The following SPIRE1 variants were observed in gnomAD, a reference collection of about 807,000 sequenced individuals.
SPIRE1 encodes protein spire homolog 1.
SPIRE1 carries 40 observed loss-of-function variants against 94.1 expected under a neutral mutation model. That is an observed-to-expected ratio of 0.43 (90% CI 0.33 to 0.55). The LOEUF (loss-of-function observed/expected upper bound fraction) is 0.55. Among genes scored for constraint, SPIRE1 ranks in the 20% least tolerant of loss-of-function variants. The pLI is 0.06. For synonymous variants in SPIRE1, 376 were observed against 371.7 expected (o/e 1.01, Z -0.13); for missense variants, 838 against 975.2 (o/e 0.86, Z 1.87).
intron 1 of SPIRE1, chr18:12,653,252 G>A (rs2038432735): frequency 6.6e-6 from 1 of 152,292 alleles, no homozygotes; most frequent in Admixed American, 6.6e-5. Context: ...GACAGTGCCA[G>A]TTAAGAAACT....
At chr18:12,562,160 A>G (rs1372920209) in intron 2 of SPIRE1, among the ~76,000 whole-genome samples, 1 of 152,218 alleles carries the variant, frequency 6.6e-6, no homozygotes, top group Non-Finnish European at 1.5e-5. Context: ...CACAGACTCT[A>G]TATCCTACCC....
rs1043648280 is a variant in SPIRE1 at position 12,657,518 on chromosome 18, C to T, written c.337+12G>A. 13 of 1,230,136 alleles carry T rather than the reference C, an allele frequency of 1.1e-5. No homozygotes were observed. In the Admixed American group the frequency reaches 3.9e-4, roughly 36 times the overall value. The allele number at this position is 1,230,136 out of a possible 1,614,324, so 76.2% of individuals were successfully genotyped here. A position where few individuals can be genotyped will look rare whatever the true frequency, so the allele number is the denominator to read the frequency against. On this transcript the variant is annotated intron_variant, in intron 1 of 16. Coordinates refer to ENST00000409402, the MANE Select transcript of SPIRE1 (RefSeq NM_001128626.2). ...CCAAGAACTACGAGGGAAAGGGGCC[C>T]GGCGGCCTCACCCGCAACTGGGGGC...
chr18:12,557,192 C>T (rs966790538), intron 2 of SPIRE1, among the ~76,000 whole-genome samples: 3 of 152,214 alleles, frequency 2.0e-5, no homozygotes, highest in African/African-American at 7.2e-5. Flanking sequence ...CGCCGCGGAG[C>T]AGGGGGTGGC....
intron 8 of SPIRE1, 140 bp downstream of exon 8, chr18:12,492,932 G>C: frequency 1.1e-6 from 1 of 932,138 alleles, no homozygotes; most frequent in South Asian, 2.0e-5. Context: ...GTATACGAGA[G>C]AGTGAGAGGG....
At chr18:12,607,290 C>T (rs546088318) in intron 2 of SPIRE1, among the ~76,000 whole-genome samples, 5 of 152,084 alleles carry the variant, frequency 3.3e-5, no homozygotes, top group Non-Finnish European at 7.4e-5. Flanking sequence ...TTTTGAGTGG[C>T]CTTCAACAGA....
chr18:12,514,842 TAAAG>T (rs1182460621), intron 4 of SPIRE1, among the ~76,000 whole-genome samples: 1 of 151,874 alleles, frequency 6.6e-6, no homozygotes, highest in Non-Finnish European at 1.5e-5. Context: ...TAAAATAAAA[TAAAG>T]AAGAAAAAGA....
At chr18:12,540,218 T>C (rs2034974580) in intron 3 of SPIRE1, among the ~76,000 whole-genome samples, 1 of 152,208 alleles carries the variant, frequency 6.6e-6, no homozygotes, top group Admixed American at 6.5e-5. Flanking sequence ...TTTGTGGCTT[T>C]TCCTTCCACT....
At chr18:12,615,345 A>AAAAAAAAAAATATAT in intron 2 of SPIRE1, among the ~76,000 whole-genome samples, 3 of 17,240 alleles carry the variant, frequency 1.7e-4, no homozygotes, top group Non-Finnish European at 5.6e-4. Flanking sequence ...AAAAAAAAAA[A>AAAAAAAAAAATATAT]ATATATATAT....
chr18:12,576,766 G>A (rs1054671209), intron 2 of SPIRE1, among the ~76,000 whole-genome samples: 1 of 151,668 alleles, frequency 6.6e-6, no homozygotes, highest in Non-Finnish European at 1.5e-5. Flanking sequence ...GCATGTGCCT[G>A]TAGTTCCAGC....
upstream of SPIRE1, chr18:12,658,831 G>C (rs1598597384): frequency 3.1e-6 from 1 of 320,988 alleles, no homozygotes; most frequent in East Asian, 8.9e-5. Flanking sequence ...TCTCCCAAAA[G>C]CTAAACCAGC....
At chr18:12,607,817 C>A (rs1019756816) in intron 2 of SPIRE1, among the ~76,000 whole-genome samples, 1 of 152,050 alleles carries the variant, frequency 6.6e-6, no homozygotes, top group African/African-American at 2.4e-5. Context: ...GTGACGGCTA[C>A]CCCCATACCC....
intron 1 of SPIRE1, among the ~76,000 whole-genome samples, chr18:12,641,832 CTTT>C (rs576748359): frequency 4.0e-5 from 5 of 125,108 alleles, no homozygotes; most frequent in Admixed American, 1.7e-4. Context: ...GAATGTTATG[CTTT>C]TTTTTTTTTT....
chr18:12,460,239 C>T (rs2031726075), intron 12 of SPIRE1, among the ~76,000 whole-genome samples: 2 of 152,336 alleles, frequency 1.3e-5, no homozygotes, highest in South Asian at 2.1e-4. Context: ...CAACTCGTTA[C>T]TGTGCCTGAG....
rs2144384939 is a variant in SPIRE1, at chr18:12,559,799, T to C, written c.373-12895A>G. 6.6e-6 allele frequency among the ~76,000 whole-genome samples: 1 copy of C among 151,984 alleles called. No homozygotes were observed. Among genetic ancestry groups the C allele is most frequent in the East Asian group, 1.9e-4 (1 of 5,164 alleles). ...TTTGCCAGTGAAGAAAACAACAAAATGAAGAAACAACCCAAAGAACGGGAG... is the reference window on the plus strand; with the variant it reads ...TTTGCCAGTGAAGAAAACAACAAAACGAAGAAACAACCCAAAGAACGGGAG... On this transcript the variant is annotated intron_variant, in intron 2 of 16. Transcript: ENST00000409402. This position sits in a 1 kb window ranked among gnomAD's most constrained non-coding sequence, Gnocchi z 4.7.
At chr18:12,624,542 CAAAA>C (rs549240260) in intron 2 of SPIRE1, among the ~76,000 whole-genome samples, 1 of 75,666 alleles carries the variant, frequency 1.3e-5, no homozygotes. Flanking sequence ...GACACTGACT[CAAAA>C]AAAAAAAAAA....
intron 12 of SPIRE1, 134 bp downstream of exon 12, chr18:12,463,217 C>A (rs2031941594): frequency 2.2e-6 from 2 of 899,792 alleles, no homozygotes; most frequent in Non-Finnish European, 3.2e-6. Context: ...TTTTCTTTAG[C>A]TATTAAGTAA....
chr18:12,628,320 T>G (rs958094023), intron 2 of SPIRE1, among the ~76,000 whole-genome samples: 9 of 152,150 alleles, frequency 5.9e-5, no homozygotes, highest in African/African-American at 1.9e-4. Context: ...TTTCCCCATT[T>G]CTTGTTTTTG....
intron 6 of SPIRE1, among the ~76,000 whole-genome samples, chr18:12,506,069 T>C (rs1238929903): frequency 6.6e-6 from 1 of 152,170 alleles, no homozygotes; most frequent in Non-Finnish European, 1.5e-5. Context: ...ATTACTTGTA[T>C]AAAAATAAAT....
chr18:12,460,485 G>A (rs929819742), intron 12 of SPIRE1, among the ~76,000 whole-genome samples: 3 of 152,206 alleles, frequency 2.0e-5, no homozygotes, highest in Non-Finnish European at 4.4e-5. Context: ...GGCCGAGGCG[G>A]GCAGATCACC....
Sources: allele counts gnomAD v4.1 joint callset (sites outside exome capture counted in the v4.1 genomes callset), GRCh38; gene constraint gnomAD v4.1.1; non-coding constraint Gnocchi (gnomAD v3.1); transcripts MANE v1.5; gene names NCBI Gene and HGNC (gene_info 2026-07-23, HGNC 2026-07-21).